Variants in DISP1 observed in about 807,000 individuals in gnomAD.
DISP1 encodes the protein dispatched RND transporter family member 1.
In DISP1, 30 loss-of-function variants were observed where a neutral mutation model predicts 37.3. The observed-to-expected ratio is 0.80, with a 90% CI of 0.60 to 1.09. The LOEUF (loss-of-function observed/expected upper bound fraction) is 1.09, where lower values mean the gene tolerates loss of function less well. Ranked by LOEUF, DISP1 falls within the 50% of genes least tolerant of loss-of-function variation. DISP1 has a pLI of 0.00. For synonymous variants in DISP1, 634 were observed against 690.2 expected, an observed-to-expected ratio of 0.92 and a Z score of 1.28; for missense variants, 1,598 against 1,879.5, an observed-to-expected ratio of 0.85 and a Z score of 2.77.
intron 1 of DISP1, among the ~76,000 whole-genome samples, chr1:222,896,681 G>A (rs552093298): frequency 6.6e-6 from 1 of 152,062 alleles, no homozygotes; most frequent in Non-Finnish European, 1.5e-5. Flanking sequence ...TGTGACAAAG[G>A]GCTTGTATCT....
At chr1:222,937,563 T>C (rs1468559200) in intron 2 of DISP1, among the ~76,000 whole-genome samples, 3 of 152,210 alleles carry the variant, frequency 2.0e-5, no homozygotes, top group Admixed American at 1.3e-4. Flanking sequence ...ATGAAATGTA[T>C]ATTTTAAAAT....
chr1:222,988,627 TCTTC>T (rs1264039169), intron 4 of DISP1, among the ~76,000 whole-genome samples: 1 of 151,520 alleles, frequency 6.6e-6, no homozygotes, highest in African/African-American at 2.4e-5. Flanking sequence ...CTTTCTTTTT[TCTTC>T]CTTCCTTCCT....
Position 222,872,245 on chromosome 1 carries a change from C to A in DISP1, c.-158-56185C>A, listed in dbSNP as rs546990353. ...TCATCAAGGATATCGGTCTAAAATT[C>A]TCTTTTTTTGTTGTGTCTCTGCCAG... On this transcript the variant is annotated intron_variant, in intron 1 of 8. Transcript: ENST00000675850. The A allele has an allele frequency of 3.9e-5, 6 of 152,254 alleles. No individual in the cohort carries two copies. In the East Asian group the frequency reaches 1.2e-3, roughly 29 times the overall value. The allele number at this position is 152,254 out of a possible 1,614,324, so 9.4% of individuals were successfully genotyped here. A position where few individuals can be genotyped will look rare whatever the true frequency, so the allele number is the denominator to read the frequency against.
At chr1:222,840,557 CTTTTTTT>C (rs71176702) in intron 1 of DISP1, among the ~76,000 whole-genome samples, 19 of 116,096 alleles carry the variant, frequency 1.6e-4, no homozygotes, top group South Asian at 1.5e-3. Flanking sequence ...TACAGTATCT[CTTTTTTT>C]TTTTTTTTTT....
chr1:222,947,061 A>G (rs1674841044), intron 3 of DISP1, among the ~76,000 whole-genome samples: 1 of 152,206 alleles, frequency 6.6e-6, no homozygotes, highest in Admixed American at 6.5e-5. Flanking sequence ...ATTTTTAAGT[A>G]TACAGTTTAG....
intron 8 of DISP1, among the ~76,000 whole-genome samples, chr1:222,995,212 G>A (rs1678971547): frequency 6.6e-6 from 1 of 152,150 alleles, no homozygotes; most frequent in Non-Finnish European, 1.5e-5. Flanking sequence ...TCCCATTCAT[G>A]ATCTCTGGCT....
chr1:222,986,241 C>T (rs564369079), intron 4 of DISP1, among the ~76,000 whole-genome samples: 21 of 151,764 alleles, frequency 1.4e-4, no homozygotes, highest in African/African-American at 4.4e-4. Context: ...ATCTGAAACA[C>T]GGCTTTCTGC....
At chr1:222,979,720 C>T (rs1188595641) in intron 3 of DISP1, 6 of 468,208 alleles carry the variant, frequency 1.3e-5, no homozygotes, top group Non-Finnish European at 2.7e-5. Flanking sequence ...CTCACCAGCT[C>T]ACTGGAGTGG....
intron 1 of DISP1, among the ~76,000 whole-genome samples, chr1:222,923,128 G>C (rs542554466): frequency 2.6e-5 from 4 of 152,136 alleles, no homozygotes; most frequent in Admixed American, 1.3e-4. Flanking sequence ...AATTTTTCAG[G>C]CTAGGGGAAA....
In DISP1 at chr1:222,842,111, C is replaced by G. The variant is rs188181960; in HGVS notation, c.-159+27033C>G. 1.6e-4 allele frequency among the ~76,000 whole-genome samples: 25 copies of G among 151,994 alleles called. 1 individual carries two copies. In the East Asian group the frequency reaches 4.8e-3, roughly 29 times the overall value. On this transcript the variant is annotated intron_variant, in intron 1 of 8. Transcript: ENST00000675850. Reference sequence around the variant, plus strand: ...GGAAAGAGGTCTGAAGATTCAAACTCTAGTCTAGTTTAAGTTTGTGTTTGA... The same window carrying G: ...GGAAAGAGGTCTGAAGATTCAAACTGTAGTCTAGTTTAAGTTTGTGTTTGA...
At chr1:222,935,260 CT>C (rs971438854) in intron 2 of DISP1, among the ~76,000 whole-genome samples, 8 of 152,142 alleles carry the variant, frequency 5.3e-5, no homozygotes, top group African/African-American at 1.7e-4. Context: ...CATGACTCTT[CT>C]GAAAAAGGTG....
At chr1:222,846,767 C>T (rs979240994) in intron 1 of DISP1, among the ~76,000 whole-genome samples, 1 of 152,230 alleles carries the variant, frequency 6.6e-6, no homozygotes, top group African/African-American at 2.4e-5. Flanking sequence ...GTTCTGTTTT[C>T]AAACTGTTGA....
At chr1:222,909,944 C>T (rs1220093059) in intron 1 of DISP1, among the ~76,000 whole-genome samples, 1 of 152,084 alleles carries the variant, frequency 6.6e-6, no homozygotes, top group African/African-American at 2.4e-5. Context: ...CTGCCTGGGG[C>T]TGTGGTCTTA....
chr1:222,848,587 G>A (rs574746448), intron 1 of DISP1, among the ~76,000 whole-genome samples: 1 of 152,114 alleles, frequency 6.6e-6, no homozygotes, highest in African/African-American at 2.4e-5. Flanking sequence ...TAGACTTACA[G>A]ATGTCCTGGA....
intron 1 of DISP1, among the ~76,000 whole-genome samples, chr1:222,896,681 G>T (rs552093298): frequency 5.3e-5 from 8 of 151,954 alleles, no homozygotes; most frequent in Non-Finnish European, 8.8e-5. Context: ...TGTGACAAAG[G>T]GCTTGTATCT....
chr1:222,966,763 A>T (rs981605840), intron 3 of DISP1, among the ~76,000 whole-genome samples: 3 of 152,198 alleles, frequency 2.0e-5, no homozygotes, highest in African/African-American at 7.2e-5. Context: ...GTACATATGT[A>T]AAAATGCATC....
At chr1:222,837,329 A>T (rs1055974204) in intron 1 of DISP1, 3 of 367,564 alleles carry the variant, frequency 8.2e-6, no homozygotes, top group Non-Finnish European at 1.4e-5. Flanking sequence ...ACCCTAGGTT[A>T]TCCACTTACT....
intron 1 of DISP1, among the ~76,000 whole-genome samples, chr1:222,843,778 G>A (rs1307220631): frequency 6.6e-6 from 1 of 152,096 alleles, no homozygotes; most frequent in African/African-American, 2.4e-5. Context: ...GGAAGAGAAA[G>A]ATGAAATTGT....
At chr1:222,984,423 T>A (rs865911131) in intron 4 of DISP1, among the ~76,000 whole-genome samples, 1,824 of 62,406 alleles carry the variant, frequency 0.029, 146 homozygotes, top group African/African-American at 0.11. Flanking sequence ...AAAAAAAAAA[T>A]ATATATATAT....
Sources: allele counts gnomAD v4.1 joint callset (sites outside exome capture counted in the v4.1 genomes callset), GRCh38; gene constraint gnomAD v4.1.1; transcripts MANE v1.5; gene names NCBI Gene and HGNC (gene_info 2026-07-23, HGNC 2026-07-21).